Variants in SH3RF3 observed in about 807,000 individuals in gnomAD.
SH3RF3 encodes the protein E3 ubiquitin-protein ligase SH3RF3.
SH3RF3 carries 29 observed loss-of-function variants against 66.3 expected under a neutral mutation model. That is an observed-to-expected ratio of 0.44 (90% confidence interval 0.33 to 0.60). The LOEUF (loss-of-function observed/expected upper bound fraction) is 0.60. Ranked by LOEUF, SH3RF3 falls within the 20% of genes least tolerant of loss-of-function variation. SH3RF3 has a pLI of 0.04. For synonymous variants in SH3RF3, 583 were observed against 532.0 expected (o/e 1.10, Z -1.32); for missense variants, 1,194 against 1,190.9 (o/e 1.00, Z -0.04).
chr2:109,492,423 G>A (rs945236260), intron 9 of SH3RF3, among the ~76,000 whole-genome samples: 2 of 152,090 alleles, frequency 1.3e-5, no homozygotes, highest in African/African-American at 2.4e-5. Flanking sequence ...AACGGAAGTC[G>A]CATGTACACC....
chr2:109,343,389 A>G (rs904549087), intron 1 of SH3RF3, among the ~76,000 whole-genome samples: 3 of 151,856 alleles, frequency 2.0e-5, no homozygotes, highest in African/African-American at 4.8e-5. Context: ...TCCCTCAGAA[A>G]TGTGTCCTGC....
intron 1 of SH3RF3, among the ~76,000 whole-genome samples, chr2:109,221,414 C>G (rs1679237672): frequency 6.6e-6 from 1 of 152,066 alleles, no homozygotes; most frequent in Admixed American, 6.6e-5. Context: ...AAAACCCTGT[C>G]TCTACTAAAA....
intron 1 of SH3RF3, among the ~76,000 whole-genome samples, chr2:109,168,608 G>A (rs558628099): frequency 3.3e-5 from 5 of 152,312 alleles, no homozygotes; most frequent in African/African-American, 1.2e-4. Flanking sequence ...TGATCTGGCC[G>A]TAGGTGGTAA....
intron 8 of SH3RF3, among the ~76,000 whole-genome samples, chr2:109,469,619 G>T (rs1235172999): frequency 6.6e-6 from 1 of 152,136 alleles, no homozygotes; most frequent in African/African-American, 2.4e-5. Context: ...GGCCCCAGTG[G>T]CTCAGAGTGA....
At chr2:109,458,422 C>T (rs368583463) in intron 8 of SH3RF3, among the ~76,000 whole-genome samples, 3 of 152,120 alleles carry the variant, frequency 2.0e-5, no homozygotes, top group East Asian at 3.8e-4. Flanking sequence ...CTCTCTTTCA[C>T]TTTAAGGTCA....
chr2:109,306,907 G>A (rs1303718576), intron 1 of SH3RF3, among the ~76,000 whole-genome samples: 8 of 152,206 alleles, frequency 5.3e-5, no homozygotes, highest in African/African-American at 1.2e-4. Context: ...GTAGGGCCGC[G>A]GCATGCATGC....
intron 1 of SH3RF3, among the ~76,000 whole-genome samples, chr2:109,304,076 G>C (rs1681537367): frequency 6.6e-6 from 1 of 151,518 alleles, no homozygotes; most frequent in Admixed American, 6.6e-5. Flanking sequence ...ACTCCAGCCT[G>C]GGCAACAGGA....
At chr2:109,343,769 G>A (rs1336221185) in intron 1 of SH3RF3, among the ~76,000 whole-genome samples, 3 of 149,942 alleles carry the variant, frequency 2.0e-5, no homozygotes, top group Non-Finnish European at 3.0e-5. Flanking sequence ...CTTAGACACA[G>A]GTTCTTGCCC....
At chr2:109,216,366 T>C (rs1213754344) in intron 1 of SH3RF3, among the ~76,000 whole-genome samples, 1 of 152,174 alleles carries the variant, frequency 6.6e-6, no homozygotes. Flanking sequence ...CAGCATATCA[T>C]TTATTTAGCT....
At chr2:109,323,569 C>T (rs1160392378) in intron 1 of SH3RF3, among the ~76,000 whole-genome samples, 4 of 152,296 alleles carry the variant, frequency 2.6e-5, no homozygotes, top group East Asian at 1.9e-4. Flanking sequence ...GAGCCCCCAG[C>T]GAAGCTTGAA....
At chr2:109,403,418 G>A (rs1289682859) in intron 4 of SH3RF3, among the ~76,000 whole-genome samples, 2 of 152,226 alleles carry the variant, frequency 1.3e-5, no homozygotes, top group African/African-American at 4.8e-5. Context: ...CTTCAGAGAT[G>A]AGGAAGCCGA....
chr2:109,355,368 A>G (rs551391269), intron 2 of SH3RF3, among the ~76,000 whole-genome samples: 234 of 152,322 alleles, frequency 1.5e-3, no homozygotes, highest in Non-Finnish European at 2.6e-3. Context: ...TAGTTCACTC[A>G]TCTACATCAA....
At chr2:109,474,581 C>G (rs1467856009) in intron 8 of SH3RF3, among the ~76,000 whole-genome samples, 1 of 152,224 alleles carries the variant, frequency 6.6e-6, no homozygotes, top group Non-Finnish European at 1.5e-5. Flanking sequence ...GGCACAGTGT[C>G]CCTGCTTCAG....
At chr2:109,438,978 C>T (rs893549677) in intron 7 of SH3RF3, among the ~76,000 whole-genome samples, 2 of 152,180 alleles carry the variant, frequency 1.3e-5, no homozygotes, top group Non-Finnish European at 1.5e-5. Context: ...CCACTCATCA[C>T]GGTGAGTCAG....
At chr2:109,434,219 C>G (rs984964288) in intron 6 of SH3RF3, among the ~76,000 whole-genome samples, 1 of 152,222 alleles carries the variant, frequency 6.6e-6, no homozygotes, top group Non-Finnish European at 1.5e-5. Context: ...GGCGGGTGTC[C>G]ACACCTCTGG....
At chr2:109,350,491 T>TCCTATG (rs1303524352) in intron 2 of SH3RF3, among the ~76,000 whole-genome samples, 1 of 152,182 alleles carries the variant, frequency 6.6e-6, no homozygotes, top group Non-Finnish European at 1.5e-5. Context: ...CCTGCCATGC[T>TCCTATG]CCTATGCCCA....
rs868104297 is a variant in SH3RF3 at position 109,501,695 on chromosome 2, C to T, written c.*24C>T. ...GAGAACTGGTGCTCCCTGCACCCAG[C>T]TCACAGAGGGGGAGGCCGCCTGGGA... On this transcript the variant is annotated 3_prime_UTR_variant, in exon 10 of 10. Transcript: ENST00000309415. The T allele has an allele frequency of 4.1e-6, 3 of 740,204 alleles. No homozygotes were observed. The Middle Eastern group carries it at 6.9e-4, about 171-fold the overall frequency. The allele number at this position is 740,204 out of a possible 1,614,324, so 45.9% of individuals were successfully genotyped here.
intron 2 of SH3RF3, among the ~76,000 whole-genome samples, chr2:109,350,643 C>T (rs1256749733): frequency 2.6e-5 from 4 of 152,232 alleles, no homozygotes; most frequent in Admixed American, 2.0e-4. Flanking sequence ...TGTGACTCTC[C>T]GCTCAGTTCC....
At chr2:109,182,190 T>G (rs1242977493) in intron 1 of SH3RF3, among the ~76,000 whole-genome samples, 2 of 151,590 alleles carry the variant, frequency 1.3e-5, no homozygotes, top group African/African-American at 4.8e-5. Context: ...GAAGTGTATT[T>G]GACTCATGAT....
Sources: allele counts gnomAD v4.1 joint callset (sites outside exome capture counted in the v4.1 genomes callset), GRCh38; gene constraint gnomAD v4.1.1; transcripts MANE v1.5; gene names NCBI Gene and HGNC (gene_info 2026-07-23, HGNC 2026-07-21).